Variants in NLGN1 observed in about 807,000 individuals in gnomAD.
The protein encoded by NLGN1 is neuroligin-1.
In NLGN1, 12 loss-of-function variants were observed where a neutral mutation model predicts 65.5. The observed-to-expected ratio is 0.18, with a 90% CI of 0.12 to 0.30. The LOEUF (loss-of-function observed/expected upper bound fraction) is 0.30, where lower values mean the gene tolerates loss of function less well. NLGN1 is among the 10% of genes least tolerant of loss of function. NLGN1 has a pLI of 1.00. For synonymous variants in NLGN1, 350 were observed against 359.5 expected, an observed-to-expected ratio of 0.97 and a Z score of 0.30; for missense variants, 750 against 1,007.1, an observed-to-expected ratio of 0.74 and a Z score of 3.46.
At chr3:173,896,438 T>A (rs1199860634) in intron 4 of NLGN1, among the ~76,000 whole-genome samples, 1 of 152,186 alleles carries the variant, frequency 6.6e-6, no homozygotes. Context: ...CACCCTGTTG[T>A]GCAGTGTCTG....
chr3:173,634,605 G>T (rs1577654532), intron 3 of NLGN1, among the ~76,000 whole-genome samples: 1 of 152,200 alleles, frequency 6.6e-6, no homozygotes, highest in East Asian at 1.9e-4. Context: ...TAGGAGGAAA[G>T]TGTCATGATT....
chr3:173,804,944 T>G (rs6762292), intron 3 of NLGN1, among the ~76,000 whole-genome samples: 96,377 of 151,876 alleles, frequency 0.63, 32,075 homozygotes, highest in Non-Finnish European at 0.75. Flanking sequence ...GAGAATAGCT[T>G]GAACACTGGA....
intron 4 of NLGN1, among the ~76,000 whole-genome samples, chr3:173,922,289 T>C (rs1223964401): frequency 1.3e-5 from 2 of 152,056 alleles, no homozygotes; most frequent in Non-Finnish European, 2.9e-5. Flanking sequence ...AAGGCTAATA[T>C]AAGTTATTTG....
At chr3:173,960,379 C>T (rs1464241222) in intron 4 of NLGN1, among the ~76,000 whole-genome samples, 1 of 151,798 alleles carries the variant, frequency 6.6e-6, no homozygotes, top group Non-Finnish European at 1.5e-5. Context: ...ATATATTATT[C>T]CCACTGTTAT....
chr3:173,517,890 A>G (rs1256324598), intron 2 of NLGN1, among the ~76,000 whole-genome samples: 1 of 152,050 alleles, frequency 6.6e-6, no homozygotes. Flanking sequence ...TAGATGTGTT[A>G]TATTTTATTT....
At chr3:173,818,539 C>G (rs1000963653) in intron 4 of NLGN1, among the ~76,000 whole-genome samples, 30 of 152,080 alleles carry the variant, frequency 2.0e-4, no homozygotes, top group African/African-American at 6.7e-4. Context: ...AACAGACCAC[C>G]CACAACCAAC....
At chr3:173,510,398 A>G (rs371101369) in intron 2 of NLGN1, among the ~76,000 whole-genome samples, 31 of 152,322 alleles carry the variant, frequency 2.0e-4, no homozygotes, top group African/African-American at 6.7e-4. Context: ...CAAATTGTGT[A>G]GTATCTTCCT....
intron 4 of NLGN1, among the ~76,000 whole-genome samples, chr3:174,249,014 A>G (rs1180980883): frequency 2.6e-5 from 4 of 152,164 alleles, no homozygotes; most frequent in African/African-American, 9.7e-5. Context: ...AAAGTTTCAG[A>G]TGAGATTTGT....
intron 4 of NLGN1, among the ~76,000 whole-genome samples, chr3:174,149,871 A>T (rs1724012854): frequency 6.6e-6 from 1 of 152,140 alleles, no homozygotes; most frequent in East Asian, 1.9e-4. Context: ...AAAGGAAAAC[A>T]AGCTGGATTA....
intron 4 of NLGN1, among the ~76,000 whole-genome samples, chr3:174,174,160 C>A (rs1729033496): frequency 6.6e-6 from 1 of 152,038 alleles, no homozygotes. Flanking sequence ...TTAATTCATT[C>A]CTTTTTATGG....
intron 2 of NLGN1, among the ~76,000 whole-genome samples, chr3:173,569,372 AC>A (rs1200692022): frequency 6.6e-6 from 1 of 151,992 alleles, no homozygotes; most frequent in Admixed American, 6.6e-5. Context: ...ATCGGCAGTC[AC>A]ATGCATTTTG....
intron 4 of NLGN1, among the ~76,000 whole-genome samples, chr3:173,892,575 TAAA>T (rs58100019): frequency 7.6e-6 from 1 of 130,996 alleles, no homozygotes; most frequent in Non-Finnish European, 1.7e-5. Flanking sequence ...GAAGGCAAAC[TAAA>T]AAAAAAAAAA....
intron 3 of NLGN1, among the ~76,000 whole-genome samples, chr3:173,616,377 CA>C (rs915615960): frequency 7.9e-5 from 12 of 152,012 alleles, no homozygotes; most frequent in African/African-American, 2.9e-4. Context: ...TTGAGACACG[CA>C]AACAAACAGA....
intron 4 of NLGN1, among the ~76,000 whole-genome samples, chr3:174,249,677 T>TTAA (rs1744435818): frequency 6.6e-6 from 1 of 152,222 alleles, no homozygotes; most frequent in African/African-American, 2.4e-5. Flanking sequence ...AAGTGAGTCC[T>TTAA]ATTCTACTTA....
intron 2 of NLGN1, among the ~76,000 whole-genome samples, chr3:173,576,379 C>T (rs369239165): frequency 2.0e-5 from 3 of 152,066 alleles, no homozygotes; most frequent in African/African-American, 7.2e-5. Flanking sequence ...AAAAACAACA[C>T]AAATTTATTA....
intron 4 of NLGN1, among the ~76,000 whole-genome samples, chr3:174,227,182 GCCAT>G (rs1434839364): frequency 2.6e-4 from 39 of 152,076 alleles, no homozygotes; most frequent in African/African-American, 9.2e-4. Context: ...AAAACACAAA[GCCAT>G]GTTTATTACC....
chr3:173,723,710 T>C (rs1330815517), intron 3 of NLGN1, among the ~76,000 whole-genome samples: 1 of 152,134 alleles, frequency 6.6e-6, no homozygotes, highest in African/African-American at 2.4e-5. Context: ...GTAAATGAGA[T>C]AGAAAGTCAG....
chr3:174,233,087 G>C (rs1026607052), intron 4 of NLGN1, among the ~76,000 whole-genome samples: 1 of 152,200 alleles, frequency 6.6e-6, no homozygotes, highest in Non-Finnish European at 1.5e-5. Context: ...ACAGACAGAA[G>C]GGTGCTCTGG....
chr3:174,255,983 A>C (rs1383900277), intron 4 of NLGN1, among the ~76,000 whole-genome samples: 2 of 152,172 alleles, frequency 1.3e-5, no homozygotes, highest in African/African-American at 4.8e-5. Context: ...ATTTTTATTA[A>C]AAAATTATAA....
Sources: allele counts gnomAD v4.1 joint callset (sites outside exome capture counted in the v4.1 genomes callset), GRCh38; gene constraint gnomAD v4.1.1; transcripts MANE v1.5; gene names NCBI Gene and HGNC (gene_info 2026-07-23, HGNC 2026-07-21).